RFX7: variants seen among roughly 807,000 people sequenced by gnomAD.
RFX7 encodes DNA-binding protein RFX7.
A neutral mutation model predicts 111.8 loss-of-function variants in RFX7; 26 were observed. The ratio of observed to expected loss-of-function variants is 0.23; its 90% CI spans 0.17 to 0.32. RFX7 has a LOEUF of 0.32. Among genes scored for constraint, RFX7 ranks in the 10% least tolerant of loss-of-function variants. The pLI is 1.00. For synonymous variants in RFX7, 624 were observed against 624.4 expected, an observed-to-expected ratio of 1.00 and a Z score of 0.01; for missense variants, 1,573 against 1,772.9, an observed-to-expected ratio of 0.89 and a Z score of 2.02.
chr15:56,210,401 G>C (rs1466019163), intron 2 of RFX7, among the ~76,000 whole-genome samples: 1 of 152,034 alleles, frequency 6.6e-6, no homozygotes, highest in East Asian at 1.9e-4. Context: ...TATCTGAAAT[G>C]AACAGGTCCA....
At chr15:56,129,774 G>A (rs1158764685) in intron 5 of RFX7, among the ~76,000 whole-genome samples, 4 of 152,180 alleles carry the variant, frequency 2.6e-5, no homozygotes, top group African/African-American at 7.2e-5. Flanking sequence ...GCATAGTTCA[G>A]GCTGAGGTAT....
chr15:56,172,500 A>G (rs1465780675), intron 3 of RFX7, among the ~76,000 whole-genome samples: 1 of 152,200 alleles, frequency 6.6e-6, no homozygotes, highest in East Asian at 1.9e-4. Context: ...ATAGGAATGG[A>G]TGAGACCTAG....
At chr15:56,163,956 A>C (rs1325461154) in intron 3 of RFX7, among the ~76,000 whole-genome samples, 4 of 152,300 alleles carry the variant, frequency 2.6e-5, no homozygotes, top group Admixed American at 2.6e-4. Context: ...CCACAAACTC[A>C]AACGCCAGGC....
chr15:56,148,573 C>T (rs2042519264), intron 3 of RFX7, among the ~76,000 whole-genome samples: 1 of 152,178 alleles, frequency 6.6e-6, no homozygotes, highest in African/African-American at 2.4e-5. Context: ...CCTTCTAAAA[C>T]TTTGGTTGAC....
At chr15:56,154,098 A>T (rs2042616325) in intron 3 of RFX7, among the ~76,000 whole-genome samples, 1 of 152,038 alleles carries the variant, frequency 6.6e-6, no homozygotes, top group Admixed American at 6.6e-5. Flanking sequence ...GATTTCAAGG[A>T]GAACTACAAA....
chr15:56,225,416 TATACTG>T (rs2043471870), intron 2 of RFX7, among the ~76,000 whole-genome samples: 1 of 152,188 alleles, frequency 6.6e-6, no homozygotes, highest in South Asian at 2.1e-4. Flanking sequence ...CTCCATTGTT[TATACTG>T]CACTGCCAGT....
In RFX7 at chr15:56,233,221, G is replaced by A. The variant is rs778839982; in HGVS notation, c.161+9904C>T. Among the ~76,000 whole-genome samples, 93 of 152,146 alleles carry A rather than the reference G, an allele frequency of 6.1e-4. 1 individual carries two copies. The highest frequency in any genetic ancestry group is 5.1e-4 in the African/African-American group (21 of 41,440). The stretch of plus-strand genomic sequence containing the variant: ...GCCTCATAATCGTGGCAGGGAGGCC[G>A]CACAATCATGGTGGCAAGTGAAAGG... On this transcript the variant is annotated intron_variant, in intron 2 of 9. Coordinates refer to ENST00000559447, the MANE Select transcript of RFX7 (RefSeq NM_022841.7).
At chr15:56,242,812 A>G (rs1383840950) in intron 2 of RFX7, among the ~76,000 whole-genome samples, 1 of 152,244 alleles carries the variant, frequency 6.6e-6, no homozygotes, top group Non-Finnish European at 1.5e-5. Flanking sequence ...TCATGCCACC[A>G]TCATGCAATA....
intron 5 of RFX7, among the ~76,000 whole-genome samples, chr15:56,115,494 T>G (rs1295958083): frequency 1.3e-5 from 2 of 152,138 alleles, no homozygotes; most frequent in African/African-American, 2.4e-5. Context: ...AAATGACTAT[T>G]CTTTTGGTGA....
At chr15:56,166,868 C>T (rs1418285245) in intron 3 of RFX7, among the ~76,000 whole-genome samples, 1 of 152,140 alleles carries the variant, frequency 6.6e-6, no homozygotes, top group Non-Finnish European at 1.5e-5. Context: ...ATCCACCCAG[C>T]CTGAGTAGCT....
At chr15:56,105,123 G>A (rs993671254) in intron 5 of RFX7, among the ~76,000 whole-genome samples, 8 of 152,026 alleles carry the variant, frequency 5.3e-5, no homozygotes, top group Non-Finnish European at 1.2e-4. Context: ...TGCACCCCAG[G>A]GACTTGACCC....
chr15:56,233,358 T>C (rs1229143572), intron 2 of RFX7, among the ~76,000 whole-genome samples: 5 of 152,180 alleles, frequency 3.3e-5, no homozygotes, highest in Non-Finnish European at 1.5e-5. Flanking sequence ...GAGAACAGTA[T>C]GGGGGAAAAC....
intron 2 of RFX7, among the ~76,000 whole-genome samples, chr15:56,201,561 T>C (rs1303736623): frequency 6.6e-6 from 1 of 152,182 alleles, no homozygotes; most frequent in African/African-American, 2.4e-5. Context: ...AGAAGAGTTA[T>C]TAGTGGAAAT....
At chr15:56,106,610 G>A (rs767412211) in intron 5 of RFX7, among the ~76,000 whole-genome samples, 4 of 152,156 alleles carry the variant, frequency 2.6e-5, no homozygotes, top group Non-Finnish European at 5.9e-5. Flanking sequence ...ACCTCAACAC[G>A]AACCCTTCTT....
At chr15:56,239,159 T>C (rs1254927245) in intron 2 of RFX7, among the ~76,000 whole-genome samples, 2 of 152,000 alleles carry the variant, frequency 1.3e-5, no homozygotes, top group African/African-American at 2.4e-5. Flanking sequence ...ATTTTGGATT[T>C]TGGAATACTT....
At chr15:56,217,967 T>C (rs1269291576) in intron 2 of RFX7, among the ~76,000 whole-genome samples, 1 of 151,900 alleles carries the variant, frequency 6.6e-6, no homozygotes, top group African/African-American at 2.4e-5. Context: ...TCTGCATCCA[T>C]GGATTCAACC....
At chr15:56,185,622 A>G (rs1567040445) in intron 2 of RFX7, among the ~76,000 whole-genome samples, 3 of 152,100 alleles carry the variant, frequency 2.0e-5, no homozygotes, top group Non-Finnish European at 2.9e-5. Flanking sequence ...TCTTGGTAGT[A>G]TATTCCTTTA....
intron 2 of RFX7, among the ~76,000 whole-genome samples, chr15:56,220,299 C>T (rs904714230): frequency 1.3e-5 from 2 of 152,126 alleles, no homozygotes; most frequent in Non-Finnish European, 2.9e-5. Flanking sequence ...GGCGTGATCT[C>T]GGCTCACTGC....
chr15:56,092,567 A>G lies in RFX7; in HGVS notation c.*778T>C, dbSNP rs1835042223. 6.6e-6 allele frequency: 1 copy of G among 152,308 alleles called. No individual in the cohort carries two copies. The highest frequency in any genetic ancestry group is 2.1e-4 in the South Asian group (1 of 4,822). The allele number at this position is 152,308 out of a possible 1,614,324, so 9.4% of individuals were successfully genotyped here. ...GCATTTTTCTAACATGCTTGTATTT[A>G]TTATATTAAATTACAAATGCCTGGA... On this transcript the variant is annotated 3_prime_UTR_variant, in exon 10 of 10. Transcript: ENST00000559447.
Sources: allele counts gnomAD v4.1 joint callset (sites outside exome capture counted in the v4.1 genomes callset), GRCh38; gene constraint gnomAD v4.1.1; transcripts MANE v1.5; gene names NCBI Gene and HGNC (gene_info 2026-07-23, HGNC 2026-07-21).